ST7L: variants seen among roughly 807,000 people sequenced by gnomAD.
ST7L encodes the protein suppressor of tumorigenicity 7 protein-like.
Under a neutral mutation model 72.5 loss-of-function variants are expected in ST7L, and 57 were observed. The observed-to-expected ratio is 0.79, with a 90% CI of 0.64 to 0.98. ST7L has a LOEUF of 0.98. ST7L is among the 50% of genes least tolerant of loss of function. ST7L has a pLI of 0.00. For missense variants in ST7L, 576 were observed against 672.2 expected, an observed-to-expected ratio of 0.86 and a Z score of 1.58; for synonymous variants, 221 against 240.9, an observed-to-expected ratio of 0.92 and a Z score of 0.77.
chr1:112,605,342 G>A (rs1478908640), intron 3 of ST7L, among the ~76,000 whole-genome samples: 5 of 151,956 alleles, frequency 3.3e-5, no homozygotes, highest in Non-Finnish European at 5.9e-5. Flanking sequence ...GCAGTGAGCC[G>A]AGATTGCGCT....
rs1346423354 is a variant in ST7L at position 112,525,410 on chromosome 1, G to A, written c.*603C>T. The stretch of plus-strand genomic sequence containing the variant: ...TAGGGCAATAGCCAGTGGGGTGTCA[G>A]TAATATGCCCTGTCCCTGACCTCAA... On this transcript the variant is annotated 3_prime_UTR_variant, in exon 15 of 15. Transcript: ENST00000358039. The A allele has an allele frequency of 6.6e-6, 1 of 152,288 alleles. No individual in the cohort carries two copies. Among genetic ancestry groups the A allele is most frequent in the Non-Finnish European group, 1.5e-5 (1 of 68,154 alleles). The allele number at this position is 152,288 out of a possible 1,614,324, so 9.4% of individuals were successfully genotyped here.
chr1:112,592,972 C>T (rs188416903), intron 5 of ST7L, among the ~76,000 whole-genome samples: 2 of 152,158 alleles, frequency 1.3e-5, no homozygotes, highest in East Asian at 1.9e-4. Flanking sequence ...TCCAGATATA[C>T]ACCCCCCAAA....
intron 13 of ST7L, among the ~76,000 whole-genome samples, chr1:112,545,708 GTCTC>G (rs1164348538): frequency 1.3e-5 from 2 of 152,058 alleles, no homozygotes; most frequent in Admixed American, 6.6e-5. Flanking sequence ...TTCTTGTCCT[GTCTC>G]TCTGACAACC....
At position 112,525,822 on chromosome 1, in the gene ST7L, CT is replaced by C; in HGVS notation, c.*190del. Reference sequence around the variant, plus strand: ...GAAGACAATTTCATCTACAGTTGTCCTTTTTGACAGCTTCCAAGGGGGGTTT... The same window carrying C: ...GAAGACAATTTCATCTACAGTTGTCCTTTTGACAGCTTCCAAGGGGGGTTT... On this transcript the variant is annotated 3_prime_UTR_variant, in exon 15 of 15. Transcript: ENST00000358039. 1.5e-6 allele frequency: 1 copy of C among 683,816 alleles called. No homozygotes were observed. The highest frequency in any genetic ancestry group is 2.2e-6 in the Non-Finnish European group (1 of 447,272). The allele number at this position is 683,816 out of a possible 1,614,324, so 42.4% of individuals were successfully genotyped here.
chr1:112,553,270 G>T (rs527299638), intron 12 of ST7L, among the ~76,000 whole-genome samples: 4 of 147,946 alleles, frequency 2.7e-5, no homozygotes, highest in Admixed American at 1.3e-4. Flanking sequence ...ATATTAGAGA[G>T]AATCTTGCTA....
intron 12 of ST7L, among the ~76,000 whole-genome samples, chr1:112,554,828 C>T (rs1658818310): frequency 6.6e-6 from 1 of 151,992 alleles, no homozygotes; most frequent in African/African-American, 2.4e-5. Flanking sequence ...ATGCATATTA[C>T]CAATATAAAT....
At chr1:112,560,318 C>T (rs141402674) in intron 11 of ST7L, among the ~76,000 whole-genome samples, 7,648 of 152,028 alleles carry the variant, frequency 0.05, 396 homozygotes, top group Admixed American at 0.16. Flanking sequence ...GGCGTGAGCC[C>T]GGGAGGCGGA....
At chr1:112,540,717 G>C in intron 14 of ST7L, 1 of 1,214,654 alleles carries the variant, frequency 8.2e-7, no homozygotes, top group East Asian at 5.9e-5. Flanking sequence ...GGCAGAAAAA[G>C]AAACTGTGAG....
chr1:112,525,401 G>A lies in ST7L; in HGVS notation c.*612C>T, dbSNP rs1266394731. On this transcript the variant is annotated 3_prime_UTR_variant, in exon 15 of 15. Transcript: ENST00000358039. Reference sequence around the variant, plus strand: ...TGGCAGGTATAGGGCAATAGCCAGTGGGGTGTCAGTAATATGCCCTGTCCC... The same window carrying A: ...TGGCAGGTATAGGGCAATAGCCAGTAGGGTGTCAGTAATATGCCCTGTCCC... The A allele has an allele frequency of 2.0e-5, 3 of 152,258 alleles. No homozygotes were observed. Among genetic ancestry groups the A allele is most frequent in the African/African-American group, 7.2e-5 (3 of 41,420 alleles). The allele number at this position is 152,258 out of a possible 1,614,324, so 9.4% of individuals were successfully genotyped here. A position where few individuals can be genotyped will look rare whatever the true frequency, so the allele number is the denominator to read the frequency against.
intron 7 of ST7L, 57 bp from the exon 8 acceptor site, chr1:112,582,529 T>G: frequency 1.0e-6 from 1 of 1,004,330 alleles, no homozygotes; most frequent in Non-Finnish European, 1.5e-6. Flanking sequence ...TGGGCTGCTA[T>G]TTCATTAACA....
intron 10 of ST7L, 131 bp from the exon 11 acceptor site, chr1:112,577,219 T>TAA: frequency 2.0e-5 from 8 of 392,426 alleles, no homozygotes; most frequent in South Asian, 1.6e-4. Flanking sequence ...GCCAGAGGAC[T>TAA]AACAAAAAAA....
chr1:112,610,670 C>T (rs1048515017), intron 3 of ST7L, 171 bp downstream of exon 3: 3 of 758,592 alleles, frequency 4.0e-6, no homozygotes, highest in Non-Finnish European at 6.2e-6. Flanking sequence ...GCCCTCATGA[C>T]CTGATCACCT....
intron 11 of ST7L, among the ~76,000 whole-genome samples, chr1:112,562,218 T>C (rs929447809): frequency 2.0e-5 from 3 of 152,168 alleles, no homozygotes; most frequent in Non-Finnish European, 4.4e-5. Flanking sequence ...TCCTCTCACC[T>C]TGGCCTCTTG....
intron 13 of ST7L, among the ~76,000 whole-genome samples, chr1:112,542,918 G>A (rs1350966699): frequency 6.6e-6 from 1 of 151,904 alleles, no homozygotes; most frequent in African/African-American, 2.4e-5. Flanking sequence ...TTGTGCCTTA[G>A]CCTCCCAAGT....
chr1:112,558,092 A>G (rs1005749644), intron 11 of ST7L, among the ~76,000 whole-genome samples: 27 of 152,326 alleles, frequency 1.8e-4, no homozygotes, highest in Admixed American at 1.7e-3. Context: ...TACTATCTCC[A>G]AAGACTGAGA....
At chr1:112,578,451 A>G (rs1251933022) in intron 9 of ST7L, 34 bp from the exon 10 acceptor site, 14 of 1,590,650 alleles carry the variant, frequency 8.8e-6, no homozygotes, top group Non-Finnish European at 1.2e-5. Context: ...GGTAGGAATT[A>G]CAAAAAAGGT....
chr1:112,597,833 T>G, intron 5 of ST7L, 138 bp downstream of exon 5: 1 of 465,632 alleles, frequency 2.1e-6, no homozygotes, highest in Non-Finnish European at 3.6e-6. Flanking sequence ...TAATTTAATC[T>G]GAGTTTGTTA....
rs1005181329 is a variant in ST7L, at chr1:112,525,658, A to G, written c.*355T>C. ...CTTTGCTCACTTCCATTCTATGAGT[A>G]TATCGATGGAGCAGCTGGACATTAG... On this transcript the variant is annotated 3_prime_UTR_variant, in exon 15 of 15. Transcript: ENST00000358039. 1 of 180,466 alleles carries G rather than the reference A, an allele frequency of 5.5e-6. No individual in the cohort carries two copies. Among genetic ancestry groups the G allele is most frequent in the South Asian group, 1.4e-4 (1 of 6,962 alleles). The allele number at this position is 180,466 out of a possible 1,614,324, so 11.2% of individuals were successfully genotyped here.
chr1:112,608,167 C>T (rs902861732), intron 3 of ST7L, among the ~76,000 whole-genome samples: 1 of 152,060 alleles, frequency 6.6e-6, no homozygotes, highest in Admixed American at 6.6e-5. Context: ...ACTACAGGTG[C>T]GTATTACTGT....
Sources: allele counts gnomAD v4.1 joint callset (sites outside exome capture counted in the v4.1 genomes callset), GRCh38; gene constraint gnomAD v4.1.1; transcripts MANE v1.5; gene names NCBI Gene and HGNC (gene_info 2026-07-23, HGNC 2026-07-21).